PAPPA: variants seen among roughly 807,000 people sequenced by gnomAD.
PAPPA encodes the protein pappalysin-1.
PAPPA carries 60 observed loss-of-function variants against 164.0 expected under a neutral mutation model. The observed-to-expected ratio is 0.37, with a 90% CI of 0.30 to 0.45. The LOEUF (loss-of-function observed/expected upper bound fraction) is 0.45, where lower values mean the gene tolerates loss of function less well. Among genes scored for constraint, PAPPA ranks in the 20% least tolerant of loss-of-function variants. PAPPA has a pLI of 1.00. For missense variants in PAPPA, 1,782 were observed against 2,087.3 expected (o/e 0.85, Z 2.85); for synonymous variants, 875 against 814.1 (o/e 1.07, Z -1.27).
intron 8 of PAPPA, among the ~76,000 whole-genome samples, chr9:116,270,394 C>T (rs1042453362): frequency 6.6e-6 from 1 of 152,162 alleles, no homozygotes; most frequent in African/African-American, 2.4e-5. Context: ...TGAAATGTGG[C>T]TACTATGACT....
chr9:116,179,465 A>T (rs1434687706), intron 1 of PAPPA, among the ~76,000 whole-genome samples: 5 of 152,200 alleles, frequency 3.3e-5, no homozygotes, highest in Non-Finnish European at 7.4e-5. Flanking sequence ...GCCTCTCTTG[A>T]ACAAGACACA....
chr9:116,370,540 G>A (rs572277743), intron 19 of PAPPA, among the ~76,000 whole-genome samples: 1 of 151,408 alleles, frequency 6.6e-6, no homozygotes, highest in Admixed American at 6.6e-5. Flanking sequence ...ACTCTGCTTT[G>A]TAGCATTTCC....
intron 10 of PAPPA, among the ~76,000 whole-genome samples, chr9:116,321,115 C>T (rs1845849882): frequency 6.6e-6 from 1 of 151,916 alleles, no homozygotes; most frequent in Admixed American, 6.6e-5. Context: ...GCAGGCTCCA[C>T]CTCCTGGATT....
rs961398201 is a variant in PAPPA, at chr9:116,154,559, G to A, written c.387G>A (p.Gly129=). 24 of 1,405,022 alleles carry A rather than the reference G, an allele frequency of 1.7e-5. No individual in the cohort carries two copies. The highest frequency in any genetic ancestry group is 3.0e-5 in the African/African-American group (2 of 67,296). 87.0% of individuals were successfully genotyped at this position (1,405,022 alleles called of 1,614,324 possible). Residue 129 remains glycine, a synonymous_variant, in exon 1 of 22, where the codon GGG becomes GGA. Transcript: ENST00000328252. This position sits in a 1 kb window ranked among gnomAD's most constrained non-coding sequence, Gnocchi z 5.2. The part of the protein sequence containing the change: ...FTLQVWLRAE[G]GQRSPAVITG... ...TGCAAGTGTGGCTGCGAGCGGAGGGGGGCCAGAGGTCTCCGGCAGTGATCA... is the reference window on the plus strand; with the variant it reads ...TGCAAGTGTGGCTGCGAGCGGAGGGAGGCCAGAGGTCTCCGGCAGTGATCA...
At chr9:116,238,900 C>T (rs1844704856) in intron 7 of PAPPA, among the ~76,000 whole-genome samples, 1 of 152,100 alleles carries the variant, frequency 6.6e-6, no homozygotes, top group African/African-American at 2.4e-5. Flanking sequence ...CCACAAATAC[C>T]TCTTTGTGTG....
At position 116,219,953 on chromosome 9, in the gene PAPPA, C is replaced by T; in HGVS notation, c.1935C>T (p.Asp645=). Reference sequence around the variant, plus strand: ...TGCTTGCAGATGACGACTGTACGGACTCCTTCACGCCCAATCAAGTCGCCA... The same window carrying T: ...TGCTTGCAGATGACGACTGTACGGATTCCTTCACGCCCAATCAAGTCGCCA... ...FMSYADDDCT[D]SFTPNQVARM... Residue 645 remains aspartate (D), a synonymous_variant, in exon 5 of 22, where the codon GAC becomes GAT. Transcript: ENST00000328252. The T allele has an allele frequency of 1.2e-6, 2 of 1,613,190 alleles. No homozygotes were observed. The highest frequency in any genetic ancestry group is 1.7e-6 in the Non-Finnish European group (2 of 1,179,502).
intron 18 of PAPPA, among the ~76,000 whole-genome samples, chr9:116,367,034 C>A (rs1404336293): frequency 6.6e-6 from 1 of 152,136 alleles, no homozygotes; most frequent in Admixed American, 6.5e-5. Context: ...GGGTTAAACT[C>A]CGAGATGAAT....
intron 2 of PAPPA, among the ~76,000 whole-genome samples, chr9:116,202,558 C>T (rs898179117): frequency 1.3e-5 from 2 of 152,092 alleles, no homozygotes; most frequent in African/African-American, 4.8e-5. Flanking sequence ...GATCCAGGTG[C>T]ATGGGTTGTG....
At chr9:116,323,150 A>T (rs1026543991) in intron 10 of PAPPA, among the ~76,000 whole-genome samples, 2 of 152,124 alleles carry the variant, frequency 1.3e-5, no homozygotes, top group Admixed American at 6.5e-5. Flanking sequence ...AACTGGATTT[A>T]AAAAAACCCT....
chr9:116,346,224 G>A (rs1846207868), intron 14 of PAPPA, among the ~76,000 whole-genome samples: 1 of 152,204 alleles, frequency 6.6e-6, no homozygotes, highest in Non-Finnish European at 1.5e-5. Context: ...CCTCCAGGCT[G>A]CAATGATTGT....
chr9:116,246,377 C>T (rs1270050356), intron 7 of PAPPA, among the ~76,000 whole-genome samples: 1 of 152,154 alleles, frequency 6.6e-6, no homozygotes, highest in East Asian at 1.9e-4. Context: ...TAATTATATC[C>T]ATCATTTATT....
chr9:116,204,114 T>C (rs933228184), intron 2 of PAPPA, among the ~76,000 whole-genome samples: 2 of 152,310 alleles, frequency 1.3e-5, no homozygotes, highest in South Asian at 4.1e-4. Context: ...GTGCTGGGAC[T>C]GTGCTGAGCT....
intron 9 of PAPPA, among the ~76,000 whole-genome samples, chr9:116,273,066 T>A (rs1210139427): frequency 6.6e-6 from 1 of 152,128 alleles, no homozygotes; most frequent in Non-Finnish European, 1.5e-5. Flanking sequence ...CCAACACTAG[T>A]CCCAGACCAT....
chr9:116,302,083 A>G (rs1704528183), intron 9 of PAPPA, among the ~76,000 whole-genome samples: 1 of 152,216 alleles, frequency 6.6e-6, no homozygotes, highest in Non-Finnish European at 1.5e-5. Flanking sequence ...TCAGGTATTA[A>G]CACACTGTGT....
At chr9:116,213,886 C>A (rs1433071705) in intron 4 of PAPPA, among the ~76,000 whole-genome samples, 1 of 152,138 alleles carries the variant, frequency 6.6e-6, no homozygotes, top group Non-Finnish European at 1.5e-5. Context: ...CAGCTGGATG[C>A]AATTCAAAAT....
At chr9:116,297,890 C>T (rs1189178533) in intron 9 of PAPPA, among the ~76,000 whole-genome samples, 1 of 152,166 alleles carries the variant, frequency 6.6e-6, no homozygotes, top group African/African-American at 2.4e-5. Flanking sequence ...TGATCATCCT[C>T]AGAACCTTGT....
rs368449740 is a variant in PAPPA, at chr9:116,352,964, G to A, written c.4175+48G>A. 1.4e-4 allele frequency: 207 copies of A among 1,443,656 alleles called. No individual in the cohort carries two copies. The African/African-American group carries it at 2.5e-3, about 17-fold the overall frequency. 89.4% of individuals were successfully genotyped at this position (1,443,656 alleles called of 1,614,324 possible). On this transcript the variant is annotated intron_variant, in intron 16 of 21. Transcript: ENST00000328252. ...ACTTATGGTCTCTGGGAGGACAAGAGTTAGGTTCAAATGCCTGACTGGACG... is the reference window on the plus strand; with the variant it reads ...ACTTATGGTCTCTGGGAGGACAAGAATTAGGTTCAAATGCCTGACTGGACG...
At chr9:116,282,708 T>C (rs1462409165) in intron 9 of PAPPA, among the ~76,000 whole-genome samples, 1 of 152,166 alleles carries the variant, frequency 6.6e-6, no homozygotes, top group Non-Finnish European at 1.5e-5. Flanking sequence ...ATCTCCATCA[T>C]TAAGGTTATC....
At position 116,289,292 on chromosome 9, in the gene PAPPA, G is replaced by C. The variant is rs368907452; in HGVS notation, c.2954-13465G>C. ...ATAGCATATATATAGCATATAAATA[G>C]CATATATATAGCATATATATGGCAT... On this transcript the variant is annotated intron_variant, in intron 9 of 21. Transcript: ENST00000328252. Among the ~76,000 whole-genome samples, 44 of 23,720 alleles carry C rather than the reference G, an allele frequency of 1.9e-3. 3 individuals are homozygous for C. The highest frequency in any genetic ancestry group is 4.5e-3 in the African/African-American group (33 of 7,368). 15.6% of individuals were successfully genotyped at this position (23,720 alleles called of 152,430 possible). A position where few individuals can be genotyped will look rare whatever the true frequency, so the allele number is the denominator to read the frequency against.
Sources: allele counts gnomAD v4.1 joint callset (sites outside exome capture counted in the v4.1 genomes callset), GRCh38; gene constraint gnomAD v4.1.1; non-coding constraint Gnocchi (gnomAD v3.1); transcripts MANE v1.5; gene names NCBI Gene and HGNC (gene_info 2026-07-23, HGNC 2026-07-21).